The following LCA5L variants were observed in gnomAD, a reference collection of about 807,000 sequenced individuals.
LCA5L encodes lebercilin LCA5 like.
A neutral mutation model predicts 45.4 loss-of-function variants in LCA5L; 35 were observed. The observed-to-expected ratio is 0.77, with a 90% CI of 0.59 to 1.02. The LOEUF is 1.02. Ranked by LOEUF, LCA5L falls within the 50% of genes least tolerant of loss-of-function variation. The pLI, the probability that LCA5L is intolerant of heterozygous loss-of-function variation, is 0.00. For synonymous variants in LCA5L, 233 were observed against 264.7 expected, an observed-to-expected ratio of 0.88 and a Z score of 1.16; for missense variants, 668 against 761.6, an observed-to-expected ratio of 0.88 and a Z score of 1.45.
intron 2 of LCA5L, among the ~76,000 whole-genome samples, chr21:39,443,154 A>C (rs955632164): frequency 1.3e-5 from 2 of 152,230 alleles, no homozygotes; most frequent in African/African-American, 4.8e-5. Flanking sequence ...TGAAGAGGGA[A>C]GCCATACTGG....
intron 4 of LCA5L, 48 bp from the exon 5 acceptor site, chr21:39,428,551 G>A: frequency 4.3e-6 from 3 of 695,700 alleles, no homozygotes; most frequent in Non-Finnish European, 6.0e-6. Context: ...TGAATTTATT[G>A]ACATTAAAAT....
chr21:39,426,312 T>C (rs943990179), intron 5 of LCA5L, among the ~76,000 whole-genome samples: 1 of 152,168 alleles, frequency 6.6e-6, no homozygotes, highest in African/African-American at 2.4e-5. Context: ...AGTAATCAGC[T>C]TTAAAAAGCT....
At chr21:39,415,724 ATC>A (rs1485500478) in intron 7 of LCA5L, among the ~76,000 whole-genome samples, 1 of 152,198 alleles carries the variant, frequency 6.6e-6, no homozygotes, top group East Asian at 1.9e-4. Context: ...TGATTAATAT[ATC>A]TCTTACTGTC....
chr21:39,429,939 C>T (rs909751435), intron 3 of LCA5L, among the ~76,000 whole-genome samples: 4 of 152,088 alleles, frequency 2.6e-5, no homozygotes, highest in African/African-American at 9.7e-5. Context: ...TGCTTGAGTC[C>T]AGGAGGCAGA....
At chr21:39,439,998 C>A (rs144630902) in intron 2 of LCA5L, among the ~76,000 whole-genome samples, 8 of 152,192 alleles carry the variant, frequency 5.3e-5, no homozygotes, top group African/African-American at 1.9e-4. Context: ...AATACACACA[C>A]ATACACACAC....
intron 2 of LCA5L, among the ~76,000 whole-genome samples, chr21:39,436,614 T>C (rs959322488): frequency 6.6e-6 from 1 of 152,174 alleles, no homozygotes; most frequent in Non-Finnish European, 1.5e-5. Context: ...TTCAAGTAGC[T>C]GGGACTACAG....
rs1380052274 is a variant in LCA5L, at chr21:39,423,242, T to A, written c.571A>T (p.Asn191Tyr). ...RHLKAIGKYE[N>Y]SQNNLPQIMA... is the part of the protein sequence containing the mutation. ...ATTTGAGGTAGATTATTTTGTGAAT[T>A]CTCATATTTTCCTATAGCTTTCAAA... The change falls in exon 6 of 11, where the codon AAT becomes TAT. Residue 191 changes from asparagine (N) to tyrosine (Y), a missense_variant. Coordinates refer to ENST00000288350, the MANE Select transcript of LCA5L (RefSeq NM_152505.4). 5 of 1,610,170 alleles carry A rather than the reference T, an allele frequency of 3.1e-6. No homozygotes were observed. The South Asian group carries it at 5.6e-5, about 18-fold the overall frequency.
At position 39,443,000 on chromosome 21, in the gene LCA5L, C is replaced by T. The variant is rs377109223; in HGVS notation, c.-246+1135G>A. 2.6e-5 allele frequency among the ~76,000 whole-genome samples: 4 copies of T among 152,142 alleles called. No homozygotes were observed. In the East Asian group the frequency reaches 5.8e-4, roughly 22 times the overall value. ...TGAGCCAGAATGGCAGCAGGAAAAGCAGAAGAGTCAGGGATGGTCACAGAA... is the reference window on the plus strand; with the variant it reads ...TGAGCCAGAATGGCAGCAGGAAAAGTAGAAGAGTCAGGGATGGTCACAGAA... On this transcript the variant is annotated intron_variant, in intron 2 of 10. Coordinates refer to ENST00000288350, the MANE Select transcript of LCA5L (RefSeq NM_152505.4).
At chr21:39,407,364 G>A (rs2837010) in intron 10 of LCA5L, among the ~76,000 whole-genome samples, 117,213 of 152,152 alleles carry the variant, frequency 0.77, 45,459 homozygotes, top group African/African-American at 0.84. Flanking sequence ...TTTGGTCCCC[G>A]CTGGTGGGTG....
chr21:39,410,277 G>A lies in LCA5L; in HGVS notation c.1151C>T (p.Pro384Leu). The A allele has an allele frequency of 6.2e-7, 1 of 1,603,942 alleles. No individual in the cohort carries two copies. Among genetic ancestry groups the A allele is most frequent in the African/African-American group, 1.3e-5 (1 of 74,698 alleles). ...HQGTQKSDVP[P>L]LTTKGKKATG... ...AATTTGCTGTACCTTAGTTGTCAAA[G>A]GTGGAACATCTGATTTTTGGGTTCC... The change falls in exon 9 of 11, where the codon CCT (proline) becomes CTT (leucine). Residue 384 changes from proline (P) to leucine (L), a missense_variant. Pro to Leu is a moderately conservative substitution (Grantham distance 98). Transcript: ENST00000288350.
chr21:39,440,242 C>T (rs995886340), intron 2 of LCA5L, among the ~76,000 whole-genome samples: 2 of 152,040 alleles, frequency 1.3e-5, no homozygotes, highest in African/African-American at 2.4e-5. Flanking sequence ...GATCCTAAGC[C>T]TGAGGCAGGC....
rs577002232 is a variant in LCA5L, at chr21:39,442,751, G to A, written c.-246+1384C>T. 5.3e-5 allele frequency among the ~76,000 whole-genome samples: 8 copies of A among 152,240 alleles called. 1 individual carries two copies. The East Asian group carries it at 1.5e-3, about 29-fold the overall frequency. On this transcript the variant is annotated intron_variant, in intron 2 of 10. Transcript: ENST00000288350. ...TGCATGTTGAATTGGAGGAGACTGA[G>A]TGGTATTAAGAAACACTGTCACGCA...
chr21:39,422,869 A>C lies in LCA5L; in HGVS notation c.837+107T>G, dbSNP rs1229888878. On this transcript the variant is annotated intron_variant, in intron 6 of 10. Coordinates refer to ENST00000288350, the MANE Select transcript of LCA5L (RefSeq NM_152505.4). ...TTATTTAGTGCAGCACGCCAAGTGA[A>C]GCAGTTAGTAATGCTTTGTTACAGA... is the stretch of plus-strand genomic sequence containing the variant. 4.0e-6 allele frequency: 4 copies of C among 1,002,300 alleles called. No individual in the cohort carries two copies. In the African/African-American group the frequency reaches 6.5e-5, roughly 16 times the overall value. The allele number at this position is 1,002,300 out of a possible 1,614,324, so 62.1% of individuals were successfully genotyped here.
chr21:39,409,892 C>T lies in LCA5L; in HGVS notation c.1282+87G>A. 3 of 758,432 alleles carry T rather than the reference C, an allele frequency of 4.0e-6. No individual in the cohort carries two copies. The highest frequency in any genetic ancestry group is 6.4e-6 in the Non-Finnish European group (3 of 467,616). 47.0% of individuals were successfully genotyped at this position (758,432 alleles called of 1,614,324 possible). The stretch of plus-strand genomic sequence containing the variant: ...TACAGGTGCGAGCTGCCATGCCCAG[C>T]TGTTTTATGTGTGCTTTATATACAC... On this transcript the variant is annotated intron_variant, in intron 10 of 10. Transcript: ENST00000288350. The surrounding 1 kb of genome is among the most constrained non-coding windows in gnomAD (Gnocchi z 4.2).
chr21:39,406,250 T>C lies in LCA5L; in HGVS notation c.1645A>G (p.Met549Val). Residue 549 changes from methionine (M) to valine (V), a missense_variant, in exon 11 of 11, where the codon ATG (methionine) becomes GTG (valine). Met to Val is a conservative substitution (Grantham distance 21). Coordinates refer to ENST00000288350, the MANE Select transcript of LCA5L (RefSeq NM_152505.4). Reference protein sequence around the residue: ...ASGGPANAGNMRYSHSTGKHL... With the variant: ...ASGGPANAGNVRYSHSTGKHL... ...TTGCCTGTACTATGACTGTACCTCA[T>C]GTTGCCGGCATTGGCTGGCCCCCCT... 1 of 1,614,246 alleles carries C rather than the reference T, an allele frequency of 6.2e-7. No individual in the cohort carries two copies. The highest frequency in any genetic ancestry group is 1.1e-5 in the South Asian group (1 of 91,086).
chr21:39,418,336 C>A (rs942143377), intron 7 of LCA5L, among the ~76,000 whole-genome samples: 2 of 152,114 alleles, frequency 1.3e-5, no homozygotes, highest in Non-Finnish European at 2.9e-5. Flanking sequence ...CAAGATTCTT[C>A]ATTGCTGTTT....
At chr21:39,416,623 G>T (rs2041208540) in intron 7 of LCA5L, among the ~76,000 whole-genome samples, 2 of 151,920 alleles carry the variant, frequency 1.3e-5, no homozygotes, top group South Asian at 4.2e-4. Context: ...TCAAAATCAG[G>T]ACTATAGGAT....
At position 39,406,145 on chromosome 21, in the gene LCA5L, T is replaced by C; in HGVS notation, c.1750A>G (p.Ile584Val). 1 of 1,614,276 alleles carries C rather than the reference T, an allele frequency of 6.2e-7. No individual in the cohort carries two copies. Among genetic ancestry groups the C allele is most frequent in the Non-Finnish European group, 8.5e-7 (1 of 1,180,050 alleles). The change falls in exon 11 of 11, where the codon ATA becomes GTA. Residue 584 changes from isoleucine (I) to valine (V), a missense_variant. By Grantham distance (29) the Ile-to-Val change is conservative (BLOSUM62 3). Transcript: ENST00000288350. The stretch of plus-strand genomic sequence containing the variant: ...CTGAAAGTTGTATCCTTCACTTTTA[T>C]TCTGGAAGACTTACCAAATGAGGGC... ...YEPSFGKSSR[I>V]KVKDTTFRDK...
chr21:39,410,163 TC>T, intron 9 of LCA5L, 67 bp from the exon 10 acceptor site: 1 of 1,278,804 alleles, frequency 7.8e-7, no homozygotes, highest in Non-Finnish European at 1.1e-6. Context: ...TGCATTTTAT[TC>T]TAATGACTAC....
Sources: allele counts gnomAD v4.1 joint callset (sites outside exome capture counted in the v4.1 genomes callset), GRCh38; gene constraint gnomAD v4.1.1; non-coding constraint Gnocchi (gnomAD v3.1); transcripts MANE v1.5; gene names NCBI Gene and HGNC (gene_info 2026-07-23, HGNC 2026-07-21).